The following RAPGEF4 variants were observed in gnomAD, a reference collection of about 807,000 sequenced individuals.
RAPGEF4 encodes the protein Rap guanine nucleotide exchange factor 4.
In RAPGEF4, 66 loss-of-function variants were observed where a neutral mutation model predicts 147.9. The observed-to-expected ratio is 0.45, with a 90% CI of 0.37 to 0.55. The LOEUF (loss-of-function observed/expected upper bound fraction) is 0.55, where lower values mean the gene tolerates loss of function less well. RAPGEF4 is among the 20% of genes least tolerant of loss of function. RAPGEF4 has a pLI of 0.00. For synonymous variants in RAPGEF4, 419 were observed against 442.7 expected (o/e 0.95, Z 0.67); for missense variants, 1,071 against 1,257.3 (o/e 0.85, Z 2.24).
At chr2:172,968,006 A>C (rs1263962699) in intron 10 of RAPGEF4, among the ~76,000 whole-genome samples, 1 of 152,100 alleles carries the variant, frequency 6.6e-6, no homozygotes, top group African/African-American at 2.4e-5. Flanking sequence ...AGCTGAACCC[A>C]CCTTACCTTC....
At chr2:172,893,980 G>C (rs926095347) in intron 4 of RAPGEF4, 3 of 152,860 alleles carry the variant, frequency 2.0e-5, no homozygotes, top group Non-Finnish European at 4.4e-5. Flanking sequence ...CAAATCTTTG[G>C]TAAAGATGCT....
chr2:172,759,491 A>T (rs946134563), intron 1 of RAPGEF4, among the ~76,000 whole-genome samples: 1 of 152,198 alleles, frequency 6.6e-6, no homozygotes, highest in South Asian at 2.1e-4. Context: ...CAGAGAGTCA[A>T]CATCACTGTG....
intron 1 of RAPGEF4, among the ~76,000 whole-genome samples, chr2:172,780,648 A>G (rs1684599317): frequency 6.6e-6 from 1 of 152,154 alleles, no homozygotes; most frequent in African/African-American, 2.4e-5. Context: ...GGAGTGGAAT[A>G]TTCTGCTGCT....
chr2:173,014,062 C>T (rs1299891309), intron 17 of RAPGEF4, among the ~76,000 whole-genome samples: 2 of 152,028 alleles, frequency 1.3e-5, no homozygotes, highest in Admixed American at 6.5e-5. Context: ...TACAGAGATT[C>T]GGGCAGAATT....
At chr2:172,850,672 G>C in intron 4 of RAPGEF4, among the ~76,000 whole-genome samples, 1 of 151,956 alleles carries the variant, frequency 6.6e-6, no homozygotes, top group East Asian at 1.9e-4. Context: ...TTTATATAAA[G>C]TAAAGAAAAA....
chr2:172,970,027 C>A (rs1575405732), intron 10 of RAPGEF4, among the ~76,000 whole-genome samples: 1 of 152,210 alleles, frequency 6.6e-6, no homozygotes, highest in African/African-American at 2.4e-5. Context: ...TTTTTCGAAA[C>A]TTTGCAAACG....
chr2:172,911,268 C>T (rs979529538), intron 4 of RAPGEF4, among the ~76,000 whole-genome samples: 15 of 152,306 alleles, frequency 9.8e-5, no homozygotes, highest in African/African-American at 3.6e-4. Context: ...ACGTGTCCCC[C>T]ACACCCAGCA....
chr2:172,837,779 G>T (rs1250971136), intron 4 of RAPGEF4, among the ~76,000 whole-genome samples: 1 of 152,064 alleles, frequency 6.6e-6, no homozygotes, highest in African/African-American at 2.4e-5. Flanking sequence ...GCTCAGGCTG[G>T]TCTCAAACTC....
chr2:173,033,554 C>T (rs115343243), intron 26 of RAPGEF4, among the ~76,000 whole-genome samples: 405 of 152,238 alleles, frequency 2.7e-3, no homozygotes, highest in African/African-American at 9.0e-3. Flanking sequence ...AATCTAAATT[C>T]CTGATTGTGG....
At chr2:172,867,394 C>A (rs1694772126) in intron 4 of RAPGEF4, among the ~76,000 whole-genome samples, 1 of 152,130 alleles carries the variant, frequency 6.6e-6, no homozygotes, top group African/African-American at 2.4e-5. Context: ...CTTGGGGTAA[C>A]TGAATGATCT....
intron 17 of RAPGEF4, among the ~76,000 whole-genome samples, chr2:173,005,040 CTA>C (rs1694291566): frequency 6.6e-6 from 1 of 151,906 alleles, no homozygotes; most frequent in African/African-American, 2.4e-5. Context: ...TTTTTAATGA[CTA>C]TTATATTAAT....
At chr2:172,743,333 G>A (rs1166746747) in intron 1 of RAPGEF4, among the ~76,000 whole-genome samples, 1 of 152,110 alleles carries the variant, frequency 6.6e-6, no homozygotes, top group Non-Finnish European at 1.5e-5. Flanking sequence ...GACAATCCTG[G>A]TGTGTTGACT....
At chr2:172,804,482 G>A (rs1687286245) in intron 3 of RAPGEF4, among the ~76,000 whole-genome samples, 1 of 152,146 alleles carries the variant, frequency 6.6e-6, no homozygotes, top group Non-Finnish European at 1.5e-5. Flanking sequence ...TACCCTGTTT[G>A]GGAAACAGCT....
intron 4 of RAPGEF4, among the ~76,000 whole-genome samples, chr2:172,834,970 C>T (rs1690760250): frequency 6.6e-6 from 1 of 152,210 alleles, no homozygotes; most frequent in Non-Finnish European, 1.5e-5. Context: ...CTTCAGTTGA[C>T]TGGCGCCCTC....
At chr2:172,743,342 C>T (rs780948183) in intron 1 of RAPGEF4, among the ~76,000 whole-genome samples, 1 of 152,160 alleles carries the variant, frequency 6.6e-6, no homozygotes, top group Non-Finnish European at 1.5e-5. Context: ...GGTGTGTTGA[C>T]TCAGCTGCAT....
intron 4 of RAPGEF4, among the ~76,000 whole-genome samples, chr2:172,874,278 T>C (rs1387203747): frequency 4.6e-5 from 7 of 152,146 alleles, no homozygotes; most frequent in African/African-American, 1.7e-4. Flanking sequence ...CTTTAAGTTC[T>C]AGGATACATG....
intron 3 of RAPGEF4, among the ~76,000 whole-genome samples, chr2:172,809,671 T>C (rs1018231964): frequency 2.0e-5 from 3 of 152,130 alleles, no homozygotes; most frequent in African/African-American, 7.2e-5. Context: ...GCTGGGACCA[T>C]AGGCAAACAC....
intron 12 of RAPGEF4, among the ~76,000 whole-genome samples, chr2:172,987,617 A>T (rs1372900445): frequency 6.6e-6 from 1 of 152,186 alleles, no homozygotes; most frequent in Non-Finnish European, 1.5e-5. Context: ...TTTACATAGG[A>T]TTTACATTGT....
chr2:173,049,705 C>T lies in RAPGEF4; in HGVS notation c.2908+1051C>T, dbSNP rs1045787368. ...AAAATGACATTGATTTGGGGAGCAA[C>T]TGATTCAAATGACTGTGCCTTCTCT... On this transcript the variant is annotated intron_variant, in intron 30 of 30. Coordinates refer to ENST00000397081, the MANE Select transcript of RAPGEF4 (RefSeq NM_007023.4). Among the ~76,000 whole-genome samples the T allele has an allele frequency of 4.6e-5, 7 of 152,200 alleles. No individual in the cohort carries two copies. In the South Asian group the frequency reaches 6.2e-4, roughly 13 times the overall value.
Sources: gnomAD v4.1 joint callset for allele counts (sites outside exome capture counted in the v4.1 genomes callset) on GRCh38, gnomAD v4.1.1 for gene constraint, MANE v1.5 for transcripts, NCBI Gene and HGNC (gene_info 2026-07-23, HGNC 2026-07-21) for gene names.